ARHGEF12: variants seen among roughly 807,000 people sequenced by gnomAD.
ARHGEF12 encodes KMT2A/ARHGEF12 fusion protein.
Under a neutral mutation model 211.2 loss-of-function variants are expected in ARHGEF12, and 66 were observed. That is an observed-to-expected ratio of 0.31 (90% CI 0.26 to 0.38). The LOEUF is 0.38. Among genes scored for constraint, ARHGEF12 ranks in the 10% least tolerant of loss-of-function variants. The pLI, the probability that ARHGEF12 is intolerant of heterozygous loss-of-function variation, is 1.00. For synonymous variants in ARHGEF12, 592 were observed against 638.4 expected (o/e 0.93, Z 1.09); for missense variants, 1,429 against 1,869.5 (o/e 0.76, Z 4.34).
At chr11:120,337,974 G>C (rs1256797782) in intron 1 of ARHGEF12, 9 of 920,414 alleles carry the variant, frequency 9.8e-6, no homozygotes, top group Non-Finnish European at 1.0e-5. Context: ...TAAGCGCGCA[G>C]CTGAATTTGT....
At chr11:120,420,564 T>TA (rs1565467483) in intron 4 of ARHGEF12, among the ~76,000 whole-genome samples, 189 bp from the exon 5 acceptor site, 1 of 152,246 alleles carries the variant, frequency 6.6e-6, no homozygotes, top group African/African-American at 2.4e-5. Flanking sequence ...AAACAGTATG[T>TA]GTGACTCTGT....
chr11:120,397,124 C>T (rs979767622), intron 1 of ARHGEF12, among the ~76,000 whole-genome samples: 5 of 152,090 alleles, frequency 3.3e-5, no homozygotes, highest in Admixed American at 3.3e-4. Context: ...TTATGTGTAT[C>T]CCTGGGTTTT....
intron 1 of ARHGEF12, among the ~76,000 whole-genome samples, chr11:120,339,507 A>G (rs1942464834): frequency 6.6e-6 from 1 of 152,228 alleles, no homozygotes. Context: ...ACTGTTGGAA[A>G]ATTAACAGCA....
Position 120,441,718 on chromosome 11 carries a change from G to A in ARHGEF12, c.1104G>A (p.Gln368=), listed in dbSNP as rs977293420. ...FGTEHEQING[Q]CSCFQSIELL... ...ATTTCTTCCTCTAGATCAATGGACA[G>A]TGCAGCTGTTTCCAGAGCATTGAAT... The change falls in exon 14 of 41, where the codon CAG becomes CAA. Residue 368 remains glutamine, a synonymous_variant. Transcript: ENST00000397843. 2 of 1,613,496 alleles carry A rather than the reference G, an allele frequency of 1.2e-6. No homozygotes were observed. The highest frequency in any genetic ancestry group is 4.5e-5 in the East Asian group (2 of 44,868).
At chr11:120,453,312 A>G (rs556969628) in intron 22 of ARHGEF12, among the ~76,000 whole-genome samples, 4 of 152,316 alleles carry the variant, frequency 2.6e-5, no homozygotes, top group African/African-American at 7.2e-5. Context: ...TAAAATAAAA[A>G]CATGGTAGGT....
At chr11:120,377,557 G>A (rs1943762648) in intron 1 of ARHGEF12, among the ~76,000 whole-genome samples, 1 of 152,040 alleles carries the variant, frequency 6.6e-6, no homozygotes. Flanking sequence ...TGCCCAGGCT[G>A]GCCTCAAACT....
chr11:120,448,418 C>T lies in ARHGEF12; in HGVS notation c.1737+70C>T, dbSNP rs1946107736. 10 of 1,138,650 alleles carry T rather than the reference C, an allele frequency of 8.8e-6. No individual in the cohort carries two copies. The South Asian group carries it at 1.2e-4, about 14-fold the overall frequency. 70.5% of individuals were successfully genotyped at this position (1,138,650 alleles called of 1,614,324 possible). On this transcript the variant is annotated intron_variant, in intron 20 of 40. Transcript: ENST00000397843. ...CTTTACATTTGGTTGCAGTGTCTTC[C>T]ATCATCTTAGTATTTACTTAATCAG...
At chr11:120,403,406 C>T (rs1459032322) in intron 1 of ARHGEF12, among the ~76,000 whole-genome samples, 1 of 151,846 alleles carries the variant, frequency 6.6e-6, no homozygotes, top group African/African-American at 2.4e-5. Flanking sequence ...ACTCGGGAGG[C>T]TGAGGCAGGA....
intron 1 of ARHGEF12, among the ~76,000 whole-genome samples, chr11:120,362,057 A>G (rs11217837): frequency 0.16 from 24,058 of 152,228 alleles, 2,594 homozygotes; most frequent in Non-Finnish European, 0.23. Context: ...TGATAGTGCT[A>G]GAGATGCTGC....
intron 1 of ARHGEF12, among the ~76,000 whole-genome samples, chr11:120,370,703 C>A (rs1943565414): frequency 6.6e-6 from 1 of 152,008 alleles, no homozygotes; most frequent in Non-Finnish European, 1.5e-5. Flanking sequence ...AAGCTTATTT[C>A]TAGGTACTTT....
At chr11:120,409,787 T>A (rs1944827039) in intron 4 of ARHGEF12, 1 of 198,122 alleles carries the variant, frequency 5.0e-6, no homozygotes, top group South Asian at 1.4e-4. Context: ...ATTCTTGTCA[T>A]CTTCTTCCCA....
chr11:120,478,061 TG>T (rs1237272574), intron 36 of ARHGEF12, 94 bp from the exon 37 acceptor site: 5 of 797,080 alleles, frequency 6.3e-6, no homozygotes, highest in South Asian at 3.7e-5. Context: ...GTTTATGGAT[TG>T]TTTTTTTTTT....
chr11:120,419,020 C>A (rs1382693033), intron 4 of ARHGEF12, among the ~76,000 whole-genome samples: 4 of 151,622 alleles, frequency 2.6e-5, no homozygotes, highest in Non-Finnish European at 5.9e-5. Context: ...GTCGCCCAGG[C>A]TGGACCCGCC....
rs1430578154 is a variant in ARHGEF12, at chr11:120,488,716, A to G, written c.*3639A>G. On this transcript the variant is annotated 3_prime_UTR_variant, in exon 41 of 41. Coordinates refer to ENST00000397843, the MANE Select transcript of ARHGEF12 (RefSeq NM_015313.3). ...TATTTTTAATAAGCCTCTTCCTACT[A>G]GAACATTTTATTTTCCTTGTTCACC... The G allele has an allele frequency of 4.6e-6, 1 of 218,334 alleles. No individual in the cohort carries two copies. Among genetic ancestry groups the G allele is most frequent in the Non-Finnish European group, 9.2e-6 (1 of 108,428 alleles). The allele number at this position is 218,334 out of a possible 1,614,324, so 13.5% of individuals were successfully genotyped here.
chr11:120,445,438 T>TGCAGAC lies in ARHGEF12; in HGVS notation c.1319_1320insGCAGAC (p.Val440_Pro441insGlnThr). ...TCATTTTAGCACCTGAAAGTTTCTG[T>TGCAGAC]TCCTGATGAAATGTCTGCAGATCTA... On this transcript the variant is annotated inframe_insertion, in exon 16 of 41. Transcript: ENST00000397843. 6.2e-7 allele frequency: 1 copy of TGCAGAC among 1,614,182 alleles called. No homozygotes were observed. Among genetic ancestry groups the TGCAGAC allele is most frequent in the Non-Finnish European group, 8.5e-7 (1 of 1,179,998 alleles).
At chr11:120,442,317 A>T in intron 15 of ARHGEF12, 115 bp downstream of exon 15, 1 of 639,296 alleles carries the variant, frequency 1.6e-6, no homozygotes, top group Non-Finnish European at 2.5e-6. Flanking sequence ...TCACACCTGT[A>T]TTATATTTCA....
chr11:120,467,536 C>T (rs936515352), intron 29 of ARHGEF12, among the ~76,000 whole-genome samples: 5 of 148,802 alleles, frequency 3.4e-5, no homozygotes, highest in Admixed American at 1.3e-4. Flanking sequence ...TCAAACTCCT[C>T]GGCTCAGGCA....
chr11:120,448,503 A>C (rs1482295845), intron 20 of ARHGEF12, 155 bp downstream of exon 20: 2 of 614,416 alleles, frequency 3.3e-6, no homozygotes, highest in Non-Finnish European at 5.7e-6. Flanking sequence ...CAAGAAACTC[A>C]AAATACAGTG....
chr11:120,364,816 ATTTTT>A (rs59126463), intron 1 of ARHGEF12, among the ~76,000 whole-genome samples: 1 of 132,458 alleles, frequency 7.5e-6, no homozygotes, highest in South Asian at 2.4e-4. Flanking sequence ...ACATGTACCA[ATTTTT>A]TTTTTTTTTT....
Sources: gnomAD v4.1 joint callset for allele counts (sites outside exome capture counted in the v4.1 genomes callset) on GRCh38, gnomAD v4.1.1 for gene constraint, MANE v1.5 for transcripts, NCBI Gene and HGNC (gene_info 2026-07-23, HGNC 2026-07-21) for gene names.